CEMIP: variants seen among roughly 807,000 people sequenced by gnomAD.
The protein encoded by CEMIP is cell migration-inducing and hyaluronan-binding protein.
In CEMIP, 105 loss-of-function variants were observed where a neutral mutation model predicts 156.9. The observed-to-expected ratio is 0.67, with a 90% CI of 0.57 to 0.79. The LOEUF (loss-of-function observed/expected upper bound fraction) is 0.79. CEMIP is among the 30% of genes least tolerant of loss of function. CEMIP has a pLI of 0.00. For synonymous variants in CEMIP, 676 were observed against 668.4 expected, an observed-to-expected ratio of 1.01 and a Z score of -0.17; for missense variants, 1,457 against 1,769.4, an observed-to-expected ratio of 0.82 and a Z score of 3.17.
chr15:80,814,308 C>T (rs1186313595), intron 1 of CEMIP, among the ~76,000 whole-genome samples: 1 of 152,096 alleles, frequency 6.6e-6, no homozygotes, highest in Non-Finnish European at 1.5e-5. Flanking sequence ...CTTGGCCTCC[C>T]AAAGTGCTAG....
intron 1 of CEMIP, among the ~76,000 whole-genome samples, chr15:80,819,499 G>A (rs923172137): frequency 2.6e-5 from 4 of 152,162 alleles, no homozygotes; most frequent in Non-Finnish European, 5.9e-5. Context: ...ATCCATTAAT[G>A]TCTTGATCAT....
In CEMIP at chr15:80,951,736, T is replaced by A. The variant is rs1001212534; in HGVS notation, c.*2812T>A. ...GAAATTGGCTCTGGTTTGGAAAAAT[T>A]TTGCTGTTATTATAGTAAACATACA... is the stretch of plus-strand genomic sequence containing the variant. On this transcript the variant is annotated 3_prime_UTR_variant, in exon 30 of 30. Coordinates refer to ENST00000394685, the MANE Select transcript of CEMIP (RefSeq NM_001293298.2). The A allele has an allele frequency of 6.5e-6, 1 of 152,848 alleles. No individual in the cohort carries two copies. Among genetic ancestry groups the A allele is most frequent in the African/African-American group, 2.4e-5 (1 of 41,428 alleles). The allele number at this position is 152,848 out of a possible 1,614,324, so 9.5% of individuals were successfully genotyped here. A position where few individuals can be genotyped will look rare whatever the true frequency, so the allele number is the denominator to read the frequency against.
At chr15:80,927,135 C>T (rs1439811400) in intron 19 of CEMIP, among the ~76,000 whole-genome samples, 3 of 152,092 alleles carry the variant, frequency 2.0e-5, no homozygotes, top group East Asian at 1.9e-4. Flanking sequence ...AGCCGCAGGG[C>T]CTTCATTTTG....
intron 1 of CEMIP, among the ~76,000 whole-genome samples, chr15:80,792,195 C>T (rs1365973180): frequency 6.6e-6 from 1 of 152,188 alleles, no homozygotes; most frequent in Non-Finnish European, 1.5e-5. Flanking sequence ...AAATTCAGAT[C>T]ACCAATATCT....
chr15:80,871,247 C>T (rs991811428), intron 1 of CEMIP, among the ~76,000 whole-genome samples: 2 of 152,190 alleles, frequency 1.3e-5, no homozygotes, highest in Non-Finnish European at 2.9e-5. Context: ...CACGGATGAC[C>T]CCTTGCTCAG....
Position 80,950,584 on chromosome 15 carries a change from T to G in CEMIP, c.*1660T>G, listed in dbSNP as rs1027332199. The G allele has an allele frequency of 1.1e-4, 16 of 152,272 alleles. No individual in the cohort carries two copies. The highest frequency in any genetic ancestry group is 3.6e-4 in the African/African-American group (15 of 41,448). 9.4% of individuals were successfully genotyped at this position (152,272 alleles called of 1,614,324 possible). On this transcript the variant is annotated 3_prime_UTR_variant, in exon 30 of 30. Transcript: ENST00000394685. ...CCATTGGTGCTACCTGGCTCTCCTG[T>G]CTCTGCAGCTCTACAGGTGAGGCCC...
At chr15:80,925,815 C>T (rs1900641990) in intron 19 of CEMIP, 60 bp downstream of exon 19, 1 of 1,580,672 alleles carries the variant, frequency 6.3e-7, no homozygotes, top group Non-Finnish European at 8.6e-7. Context: ...TTCCCCTAGC[C>T]CCCTACAGAG....
Position 80,888,816 on chromosome 15 carries a change from T to C in CEMIP, c.964+20T>C. On this transcript the variant is annotated intron_variant, in intron 9 of 29. Coordinates refer to ENST00000394685, the MANE Select transcript of CEMIP (RefSeq NM_001293298.2). ...TTCAAGGTGAGGAGTTTCAGACAATTTGGTGACACCTAACAGTGGGATAGA... is the reference window on the plus strand; with the variant it reads ...TTCAAGGTGAGGAGTTTCAGACAATCTGGTGACACCTAACAGTGGGATAGA... 1 of 1,586,326 alleles carries C rather than the reference T, an allele frequency of 6.3e-7. No homozygotes were observed. Among genetic ancestry groups the C allele is most frequent in the Non-Finnish European group, 8.7e-7 (1 of 1,154,610 alleles).
chr15:80,885,686 T>G (rs190425927), intron 7 of CEMIP, among the ~76,000 whole-genome samples: 1 of 152,386 alleles, frequency 6.6e-6, no homozygotes, highest in Non-Finnish European at 1.5e-5. Flanking sequence ...TCTCTTTGCC[T>G]GGTCCTGCAT....
At chr15:80,880,859 A>C in intron 5 of CEMIP, 41 bp from the exon 6 acceptor site, 1 of 1,534,760 alleles carries the variant, frequency 6.5e-7, no homozygotes, top group Non-Finnish European at 9.0e-7. Flanking sequence ...TCCAGTAAAG[A>C]GATGTGTCAG....
chr15:80,925,670 G>A lies in CEMIP; in HGVS notation c.2335G>A (p.Ala779Thr). ...DADPLKPREPAIIRHFIAYKN... is the reference protein window; with the variant it reads ...DADPLKPREPTIIRHFIAYKN... ...CGACCCGCTGAAGCCCCGGGAGCCGGCCATCATCAGACACTTCATTGCCTA... is the reference window on the plus strand; with the variant it reads ...CGACCCGCTGAAGCCCCGGGAGCCGACCATCATCAGACACTTCATTGCCTA... The change falls in exon 19 of 30, where the codon GCC (alanine) becomes ACC (threonine). Residue 779 changes from alanine (A) to threonine (T), a missense_variant. Transcript: ENST00000394685. 4 of 1,613,664 alleles carry A rather than the reference G, an allele frequency of 2.5e-6. No individual in the cohort carries two copies. Among genetic ancestry groups the A allele is most frequent in the Non-Finnish European group, 3.4e-6 (4 of 1,179,962 alleles).
At position 80,888,792 on chromosome 15, in the gene CEMIP, T is replaced by A; in HGVS notation, c.960T>A (p.Val320=). The A allele has an allele frequency of 1.2e-6, 2 of 1,613,780 alleles. No homozygotes were observed. The highest frequency in any genetic ancestry group is 1.7e-6 in the Non-Finnish European group (2 of 1,179,696). ...ATGTTTCTTTGTCCAGTGAGTGGGT[T>A]CAAGGTGAGGAGTTTCAGACAATTT... ...YFNVSLSSEW[V]QDVEWTEWFD... Residue 320 remains valine (V), a synonymous_variant, in exon 9 of 30, where the codon GTT becomes GTA. Transcript: ENST00000394685.
At chr15:80,839,148 C>G (rs1465465642) in intron 1 of CEMIP, among the ~76,000 whole-genome samples, 1 of 152,148 alleles carries the variant, frequency 6.6e-6, no homozygotes, top group Non-Finnish European at 1.5e-5. Context: ...GGCAGCCACA[C>G]TCAGTGAAGT....
At chr15:80,785,351 G>A (rs1416104112) in intron 1 of CEMIP, among the ~76,000 whole-genome samples, 1 of 152,130 alleles carries the variant, frequency 6.6e-6, no homozygotes, top group Non-Finnish European at 1.5e-5. Flanking sequence ...CCCCCTCCCT[G>A]TGGCACTCCT....
At chr15:80,892,061 C>A (rs1899047675) in intron 10 of CEMIP, among the ~76,000 whole-genome samples, 1 of 152,134 alleles carries the variant, frequency 6.6e-6, no homozygotes, top group East Asian at 1.9e-4. Context: ...TGCAAAAATG[C>A]AGTTTTTCTC....
chr15:80,898,523 T>C (rs978657827), intron 12 of CEMIP, among the ~76,000 whole-genome samples: 4 of 152,238 alleles, frequency 2.6e-5, no homozygotes, highest in Non-Finnish European at 4.4e-5. Context: ...CTTTGGGACA[T>C]GCAGGTAGAG....
chr15:80,899,329 A>T (rs1364332175), intron 12 of CEMIP, among the ~76,000 whole-genome samples: 1 of 152,200 alleles, frequency 6.6e-6, no homozygotes, highest in East Asian at 1.9e-4. Flanking sequence ...GTCCTCAGGG[A>T]GCCTGCAGTC....
At chr15:80,880,099 G>A (rs1040420029) in intron 5 of CEMIP, among the ~76,000 whole-genome samples, 3 of 152,200 alleles carry the variant, frequency 2.0e-5, no homozygotes, top group African/African-American at 7.2e-5. Flanking sequence ...CAGCCTTTCA[G>A]CCACCTTCCA....
Position 80,932,016 on chromosome 15 carries a change from G to A in CEMIP, c.2770G>A (p.Gly924Ser), listed in dbSNP as rs536917882. The change falls in exon 22 of 30, where the codon GGC becomes AGC. Residue 924 changes from glycine to serine, a missense_variant. Around this residue, in one of 5 missense-constraint regions of CEMIP, gnomAD observed 798 missense variants for 980.1 expected, o/e 0.81. Transcript: ENST00000394685. This position sits in a 1 kb window ranked among gnomAD's most constrained non-coding sequence, Gnocchi z 4.5. The stretch of plus-strand genomic sequence containing the variant: ...GAGCTGCCCCCATAACAACGTGACC[G>A]GCATTGCCTTTGAGGACGTTCCGGT... ...WQSCPHNNVT[G>S]IAFEDVPITS... is the part of the protein sequence containing the mutation. The A allele has an allele frequency of 1.6e-4, 262 of 1,613,984 alleles. 7 individuals are homozygous for A. The South Asian group carries it at 2.1e-3, about 13-fold the overall frequency.
Sources: gnomAD v4.1 joint callset for allele counts (sites outside exome capture counted in the v4.1 genomes callset) on GRCh38, gnomAD v4.1.1 for gene constraint, gnomAD v4.1.1 regional missense constraint, Gnocchi (gnomAD v3.1) non-coding constraint, MANE v1.5 for transcripts, NCBI Gene and HGNC (gene_info 2026-07-23, HGNC 2026-07-21) for gene names.